EHMT1: variants seen among roughly 807,000 people sequenced by gnomAD.
EHMT1 encodes the protein histone-lysine N-methyltransferase EHMT1.
Under a neutral mutation model 147.2 loss-of-function variants are expected in EHMT1, and 15 were observed. That is an observed-to-expected ratio of 0.10 (90% CI 0.07 to 0.16). The LOEUF (loss-of-function observed/expected upper bound fraction) is 0.16, where lower values mean the gene tolerates loss of function less well. Ranked by LOEUF, EHMT1 falls within the 10% of genes least tolerant of loss-of-function variation. The pLI is 1.00. For missense variants in EHMT1, 1,587 were observed against 1,772.4 expected (o/e 0.90, Z 1.88); for synonymous variants, 795 against 709.6 (o/e 1.12, Z -1.91).
At chr9:137,766,919 G>T (rs1433046503) in intron 10 of EHMT1, among the ~76,000 whole-genome samples, 1 of 151,982 alleles carries the variant, frequency 6.6e-6, no homozygotes, top group Non-Finnish European at 1.5e-5. Context: ...TGGGGCTCAG[G>T]TGATTCTCCC....
intron 1 of EHMT1, among the ~76,000 whole-genome samples, chr9:137,699,623 C>T (rs1431751413): frequency 6.6e-6 from 1 of 150,966 alleles, no homozygotes; most frequent in Non-Finnish European, 1.5e-5. Context: ...TATAGTGAGT[C>T]GAGATTGCGC....
intron 18 of EHMT1, among the ~76,000 whole-genome samples, chr9:137,807,322 G>A (rs187811185): frequency 9.2e-5 from 14 of 152,142 alleles, no homozygotes; most frequent in African/African-American, 3.4e-4. Context: ...TCTTCTGCAC[G>A]TGATGCTGTT....
chr9:137,740,781 C>T (rs1674851617), intron 4 of EHMT1, among the ~76,000 whole-genome samples: 1 of 152,156 alleles, frequency 6.6e-6, no homozygotes, highest in African/African-American at 2.4e-5. Context: ...GACAGACTTC[C>T]TGACATGATT....
intron 1 of EHMT1, chr9:137,650,820 C>G (rs1339976789): frequency 6.6e-6 from 1 of 151,996 alleles, no homozygotes; most frequent in African/African-American, 2.4e-5. Context: ...GCACATGTCA[C>G]CACACCTGGC....
intron 1 of EHMT1, among the ~76,000 whole-genome samples, chr9:137,624,376 G>C (rs1367163360): frequency 2.0e-5 from 3 of 149,856 alleles, no homozygotes; most frequent in African/African-American, 7.4e-5. Context: ...CTGGCATGCA[G>C]TGGTGTGTGA....
intron 18 of EHMT1, among the ~76,000 whole-genome samples, chr9:137,807,411 A>G (rs1954036102): frequency 6.6e-6 from 1 of 152,186 alleles, no homozygotes; most frequent in Admixed American, 6.5e-5. Context: ...TCTTTCAAAC[A>G]TTTCCTAACA....
Position 137,816,058 on chromosome 9 carries a change from C to T in EHMT1, c.3370C>T (p.Leu1124Phe). 6.2e-7 allele frequency: 1 copy of T among 1,610,882 alleles called. No homozygotes were observed. The highest frequency in any genetic ancestry group is 8.5e-7 in the Non-Finnish European group (1 of 1,178,454). The change falls in exon 23 of 27, where the codon CTC (leucine) becomes TTC (phenylalanine). Residue 1124 changes from leucine to phenylalanine, a missense_variant. Coordinates refer to ENST00000460843, the MANE Select transcript of EHMT1 (RefSeq NM_024757.5). The stretch of plus-strand genomic sequence containing the variant: ...CCGAAATCGCGTCGTACAGAATGGT[C>T]TCAGGTGAGAGGCAGCTTCCTGCCG... ...NCRNRVVQNG[L>F]RARLQLYRTR...
At chr9:137,777,760 C>T in intron 12 of EHMT1, 122 bp from the exon 13 acceptor site, 1 of 1,409,066 alleles carries the variant, frequency 7.1e-7, no homozygotes, top group Non-Finnish European at 9.9e-7. Flanking sequence ...AATCCAGGGA[C>T]TAAGCGGACA....
intron 1 of EHMT1, among the ~76,000 whole-genome samples, chr9:137,635,692 C>A (rs565907190): frequency 3.3e-5 from 5 of 150,846 alleles, no homozygotes; most frequent in South Asian, 2.1e-4. Flanking sequence ...TGGTGGCGGG[C>A]GCCTGTAGTT....
At position 137,776,076 on chromosome 9, in the gene EHMT1, C is replaced by T. The variant is rs1950935520; in HGVS notation, c.1792-542C>T. Among the ~76,000 whole-genome samples the T allele has an allele frequency of 6.6e-6, 1 of 152,212 alleles. No homozygotes were observed. Among genetic ancestry groups the T allele is most frequent in the Non-Finnish European group, 1.5e-5 (1 of 68,042 alleles). ...GACTTTCTTTGGACTTCACACCTTG[C>T]ATGTCCTCCCCATCTTCAAACATCC... is the stretch of plus-strand genomic sequence containing the variant. On this transcript the variant is annotated intron_variant, in intron 11 of 26. Transcript: ENST00000460843. This position sits in a 1 kb window ranked among gnomAD's most constrained non-coding sequence, Gnocchi z 4.4.
At chr9:137,749,449 T>A (rs910727513) in intron 6 of EHMT1, among the ~76,000 whole-genome samples, 1 of 152,182 alleles carries the variant, frequency 6.6e-6, no homozygotes, top group Non-Finnish European at 1.5e-5. Context: ...TTTTTTTTTT[T>A]AATTAATTTT....
chr9:137,728,299 G>T, intron 3 of EHMT1, 50 bp from the exon 4 acceptor site: 1 of 1,612,852 alleles, frequency 6.2e-7, no homozygotes, highest in Non-Finnish European at 8.5e-7. Context: ...TGTTATTTCA[G>T]TGACCACCTG....
chr9:137,834,035 A>T (rs1316734153), intron 25 of EHMT1: 1 of 447,256 alleles, frequency 2.2e-6, no homozygotes. Context: ...CTCGGGTGGG[A>T]TGGCGCTGTC....
At chr9:137,789,853 C>A (rs1384836176) in intron 15 of EHMT1, among the ~76,000 whole-genome samples, 1 of 152,254 alleles carries the variant, frequency 6.6e-6, no homozygotes, top group Non-Finnish European at 1.5e-5. Context: ...CCTCAGCCTC[C>A]TGCGTAGCTG....
At chr9:137,692,628 A>C (rs115790100) in intron 1 of EHMT1, among the ~76,000 whole-genome samples, 2,122 of 152,248 alleles carry the variant, frequency 0.014, 38 homozygotes, top group South Asian at 0.038. Context: ...AAAACCATAA[A>C]AAGTGAGAAA....
intron 1 of EHMT1, among the ~76,000 whole-genome samples, chr9:137,692,794 C>T (rs1380292065): frequency 4.6e-5 from 7 of 152,220 alleles, no homozygotes; most frequent in East Asian, 1.9e-4. Context: ...TGCTCCAGTG[C>T]GCAGTGTCTG....
rs989056804 is a variant in EHMT1 at position 137,728,457 on chromosome 9, C to A, written c.751C>A (p.Pro251Thr). The change falls in exon 4 of 27, where the codon CCC (proline) becomes ACC (threonine). Residue 251 changes from proline (P) to threonine (T), a missense_variant. Transcript: ENST00000460843. ...ISDFGRQQLL[P>T]PFPSLHQSLP... ...TGACTTTGGACGACAGCAGCTTTTACCCCCCTTCCCATCCCTTCATCAGTC... is the reference window on the plus strand; with the variant it reads ...TGACTTTGGACGACAGCAGCTTTTAACCCCCTTCCCATCCCTTCATCAGTC... 1.9e-6 allele frequency: 3 copies of A among 1,613,928 alleles called. No individual in the cohort carries two copies. Among genetic ancestry groups the A allele is most frequent in the Non-Finnish European group, 2.5e-6 (3 of 1,179,952 alleles).
In EHMT1 at chr9:137,798,901, A is replaced by C. The variant is rs756644731; in HGVS notation, c.2594A>C (p.Asp865Ala). 10 of 1,613,108 alleles carry C rather than the reference A, an allele frequency of 6.2e-6. No individual in the cohort carries two copies. The highest frequency in any genetic ancestry group is 7.6e-6 in the Non-Finnish European group (9 of 1,179,190). ...TACCTGCTTTCAAATGGACAGATGG[A>C]CGTCAACTGTCAGGTACAGCCACCC... ...VQYLLSNGQMDVNCQDDGGWT... is the reference protein window; with the variant it reads ...VQYLLSNGQMAVNCQDDGGWT... The change falls in exon 17 of 27, where the codon GAC (aspartate) becomes GCC (alanine). Residue 865 changes from aspartate (D) to alanine (A), a missense_variant. Physicochemically the swap from Asp to Ala is moderately radical, Grantham distance 126. Transcript: ENST00000460843.
intron 4 of EHMT1, among the ~76,000 whole-genome samples, chr9:137,739,267 A>G (rs1328713742): frequency 6.6e-6 from 1 of 151,796 alleles, no homozygotes; most frequent in Non-Finnish European, 1.5e-5. Context: ...GAGGCAGGAG[A>G]ATGGCGTGAA....
Sources: allele counts gnomAD v4.1 joint callset (sites outside exome capture counted in the v4.1 genomes callset), GRCh38; gene constraint gnomAD v4.1.1; non-coding constraint Gnocchi (gnomAD v3.1); transcripts MANE v1.5; gene names NCBI Gene and HGNC (gene_info 2026-07-23, HGNC 2026-07-21).